Variants in HEMK2 observed in about 807,000 individuals in gnomAD.
HEMK2 encodes the protein HemK methyltransferase 2, ETF1 glutamine and histone H4 lysine.
the HEMK2 span, chr21:28,872,415 G>A: frequency 1.3e-5 from 2 of 152,202 alleles, no homozygotes; most frequent in East Asian, 3.8e-4. Context: ...CACATGTGTT[G>A]AGAAATGGAA....
chr21:28,619,646 TC>T, the HEMK2 span, among the ~76,000 whole-genome samples: 1 of 152,096 alleles, frequency 6.6e-6, no homozygotes, highest in African/African-American at 2.4e-5. Context: ...TCTTTTAGAG[TC>T]CTTTAAAAAA....
the HEMK2 span, among the ~76,000 whole-genome samples, chr21:28,811,139 T>C: frequency 6.6e-6 from 1 of 151,782 alleles, no homozygotes; most frequent in Non-Finnish European, 1.5e-5. Context: ...CCCAGCACTT[T>C]AGGAGGCCAA....
chr21:28,644,740 T>C, the HEMK2 span, among the ~76,000 whole-genome samples: 1 of 152,212 alleles, frequency 6.6e-6, no homozygotes, highest in Non-Finnish European at 1.5e-5. Flanking sequence ...AATTTCTCAT[T>C]CTAATAACTA....
At chr21:28,653,146 G>A in the HEMK2 span, among the ~76,000 whole-genome samples, 1 of 151,346 alleles carries the variant, frequency 6.6e-6, no homozygotes, top group Non-Finnish European at 1.5e-5. Context: ...AGCAGTACTG[G>A]TCACTAAAGG....
the HEMK2 span, among the ~76,000 whole-genome samples, chr21:28,692,971 T>G: frequency 1.3e-5 from 2 of 152,076 alleles, no homozygotes; most frequent in Non-Finnish European, 2.9e-5. Flanking sequence ...GAAAATAGAT[T>G]AGTGTTTTGC....
the HEMK2 span, among the ~76,000 whole-genome samples, chr21:28,788,279 TACACACACAC>T: frequency 0.14 from 21,295 of 146,926 alleles, 2,895 homozygotes; most frequent in African/African-American, 0.35. Context: ...CCATCATATA[TACACACACAC>T]ACACACACAC....
the HEMK2 span, among the ~76,000 whole-genome samples, chr21:28,770,852 T>C: frequency 6.6e-6 from 1 of 152,090 alleles, no homozygotes; most frequent in Admixed American, 6.5e-5. Context: ...CAAACTGACC[T>C]ACACACTGAG....
At chr21:28,885,071 C>G in the HEMK2 span, 1 of 1,240,912 alleles carries the variant, frequency 8.1e-7, no homozygotes, top group Non-Finnish European at 1.1e-6. Context: ...TCAATTACGG[C>G]GTCCTGGCTG....
At chr21:28,711,792 C>T in the HEMK2 span, among the ~76,000 whole-genome samples, 10 of 152,120 alleles carry the variant, frequency 6.6e-5, 1 homozygote, top group Non-Finnish European at 1.3e-4. Flanking sequence ...GCTTAAACAA[C>T]AAACATTTAT....
At chr21:28,728,527 A>G in the HEMK2 span, among the ~76,000 whole-genome samples, 1 of 152,178 alleles carries the variant, frequency 6.6e-6, no homozygotes, top group Non-Finnish European at 1.5e-5. Flanking sequence ...GTAGGCAAAT[A>G]CTTGTTTTCT....
chr21:28,770,763 T>A, the HEMK2 span, among the ~76,000 whole-genome samples: 1 of 152,232 alleles, frequency 6.6e-6, no homozygotes, highest in African/African-American at 2.4e-5. Flanking sequence ...CTTGACTTTC[T>A]AGCCTCCAGA....
At chr21:28,627,284 C>T in the HEMK2 span, among the ~76,000 whole-genome samples, 9 of 152,086 alleles carry the variant, frequency 5.9e-5, no homozygotes, top group Admixed American at 2.0e-4. Context: ...TTGATCAGGA[C>T]GGTGGTTACA....
At chr21:28,727,931 T>C in the HEMK2 span, among the ~76,000 whole-genome samples, 1 of 152,230 alleles carries the variant, frequency 6.6e-6, no homozygotes, top group Non-Finnish European at 1.5e-5. Context: ...TGTGTATGCA[T>C]ACACATAATA....
At chr21:28,707,244 T>C in the HEMK2 span, among the ~76,000 whole-genome samples, 2 of 150,762 alleles carry the variant, frequency 1.3e-5, no homozygotes, top group Non-Finnish European at 2.9e-5. Context: ...TTAGAAGAGT[T>C]GCACAATTTT....
the HEMK2 span, among the ~76,000 whole-genome samples, chr21:28,838,963 AAAAAAAAAAATATATATATAT>A: frequency 1.4e-5 from 1 of 72,148 alleles, no homozygotes; most frequent in African/African-American, 6.5e-5. Context: ...AAAAAAAAAA[AAAAAAAAAAATATATATATAT>A]ATATATATAT....
At chr21:28,639,435 G>GAATTAATACTTCAAGA in the HEMK2 span, among the ~76,000 whole-genome samples, 1 of 152,020 alleles carries the variant, frequency 6.6e-6, no homozygotes, top group Non-Finnish European at 1.5e-5. Flanking sequence ...TACCTTCAAG[G>GAATTAATACTTCAAGA]AATTAATACT....
chr21:28,673,278 C>T, the HEMK2 span, among the ~76,000 whole-genome samples: 152,053 of 152,322 alleles, frequency 1, 75,892 homozygotes, highest in East Asian at 1. Context: ...AGCAATCATT[C>T]AAATGAATCA....
chr21:28,604,676 C>T, the HEMK2 span, among the ~76,000 whole-genome samples: 2 of 152,210 alleles, frequency 1.3e-5, no homozygotes. Context: ...AATGACTTAA[C>T]CTGAGACCAT....
the HEMK2 span, among the ~76,000 whole-genome samples, chr21:28,790,384 C>A: frequency 6.6e-6 from 1 of 152,086 alleles, no homozygotes; most frequent in Non-Finnish European, 1.5e-5. Flanking sequence ...AATTTAAATC[C>A]GTGAAACCTG....
Sources: gnomAD v4.1 joint callset for allele counts (sites outside exome capture counted in the v4.1 genomes callset) on GRCh38, gnomAD v4.1.1 for gene constraint, MANE v1.5 for transcripts, NCBI Gene and HGNC (gene_info 2026-07-23, HGNC 2026-07-21) for gene names.